The following RANBP9 variants were observed in gnomAD, a reference collection of about 807,000 sequenced individuals.
RANBP9 encodes RAN binding protein 9.
Under a neutral mutation model 84.3 loss-of-function variants are expected in RANBP9, and 15 were observed. The observed-to-expected ratio is 0.18, with a 90% CI of 0.12 to 0.27. The LOEUF is 0.27. RANBP9 is among the 10% of genes least tolerant of loss of function. RANBP9 has a pLI of 1.00. For synonymous variants in RANBP9, 392 were observed against 349.6 expected (o/e 1.12, Z -1.35); for missense variants, 809 against 912.8 (o/e 0.89, Z 1.46).
At chr6:13,653,326 G>A (rs1562306115) in intron 4 of RANBP9, among the ~76,000 whole-genome samples, 1 of 152,078 alleles carries the variant, frequency 6.6e-6, no homozygotes, top group Non-Finnish European at 1.5e-5. Context: ...GATACAACTT[G>A]AGCAATGGCA....
rs376889867 is a variant in RANBP9 at position 13,639,672 on chromosome 6, G to A, written c.1416C>T (p.Asp472=). Residue 472 remains aspartate (D), a synonymous_variant, in exon 9 of 14, where the codon GAC becomes GAT. Transcript: ENST00000011619. The part of the protein sequence containing the change: ...CLGGRSPKSQ[D]SYPVSPRPFS... ...AAGGTCGAGGACTAACAGGATAACTGTCTTGAGACTTTGGACTTCGGCCTC... is the reference window on the plus strand; with the variant it reads ...AAGGTCGAGGACTAACAGGATAACTATCTTGAGACTTTGGACTTCGGCCTC... 5 of 1,613,246 alleles carry A rather than the reference G, an allele frequency of 3.1e-6. No individual in the cohort carries two copies. The African/African-American group carries it at 6.7e-5, about 22-fold the overall frequency.
At chr6:13,622,798 T>C (rs762843392) in intron 13 of RANBP9, among the ~76,000 whole-genome samples, 2 of 152,190 alleles carry the variant, frequency 1.3e-5, no homozygotes, top group Non-Finnish European at 2.9e-5. Context: ...TTATCTGATA[T>C]TTGGAGTGGA....
At chr6:13,701,841 T>C (rs953513675) in intron 1 of RANBP9, among the ~76,000 whole-genome samples, 1 of 151,984 alleles carries the variant, frequency 6.6e-6, no homozygotes, top group Admixed American at 6.5e-5. Flanking sequence ...CTCCACTCTT[T>C]TATTACAAAG....
chr6:13,688,613 G>A (rs1487494424), intron 2 of RANBP9, among the ~76,000 whole-genome samples: 1 of 151,854 alleles, frequency 6.6e-6, no homozygotes, highest in Non-Finnish European at 1.5e-5. Flanking sequence ...TAGGTTCTTA[G>A]CACAGTATCT....
chr6:13,701,631 A>G (rs921969883), intron 1 of RANBP9, among the ~76,000 whole-genome samples: 1 of 151,984 alleles, frequency 6.6e-6, no homozygotes, highest in East Asian at 1.9e-4. Context: ...GTGGCCAGGC[A>G]TGGTGGTGCG....
chr6:13,695,639 G>A (rs757110758), intron 2 of RANBP9, among the ~76,000 whole-genome samples: 1 of 152,070 alleles, frequency 6.6e-6, no homozygotes, highest in Non-Finnish European at 1.5e-5. Flanking sequence ...AGCTTGTAAA[G>A]TGAGAAATGG....
intron 2 of RANBP9, among the ~76,000 whole-genome samples, chr6:13,693,819 G>C (rs944583648): frequency 1.3e-5 from 2 of 152,034 alleles, no homozygotes; most frequent in African/African-American, 4.8e-5. Flanking sequence ...GAGGCAGGCG[G>C]ATCATTTGAG....
At chr6:13,652,631 G>A (rs1367947680) in intron 5 of RANBP9, 28 bp downstream of exon 5, 17 of 1,545,992 alleles carry the variant, frequency 1.1e-5, no homozygotes, top group Non-Finnish European at 1.5e-5. Context: ...AATTAAAAAT[G>A]GAAAACTGCT....
intron 2 of RANBP9, among the ~76,000 whole-genome samples, chr6:13,679,945 T>C (rs1765989734): frequency 6.6e-6 from 1 of 152,178 alleles, no homozygotes; most frequent in South Asian, 2.1e-4. Context: ...GTGTTCTTAT[T>C]TACTTAAGAA....
intron 5 of RANBP9, among the ~76,000 whole-genome samples, chr6:13,650,534 C>A (rs1049208235): frequency 2.0e-5 from 3 of 152,116 alleles, no homozygotes; most frequent in Non-Finnish European, 2.9e-5. Context: ...AATGCCTGCA[C>A]AGGAGCGATT....
At chr6:13,676,946 C>T (rs1448590834) in intron 2 of RANBP9, among the ~76,000 whole-genome samples, 1 of 151,966 alleles carries the variant, frequency 6.6e-6, no homozygotes, top group Non-Finnish European at 1.5e-5. Flanking sequence ...TCTTTAAGAC[C>T]AGGAAAAAGG....
chr6:13,682,165 G>A (rs1358434326), intron 2 of RANBP9, among the ~76,000 whole-genome samples: 3 of 152,054 alleles, frequency 2.0e-5, no homozygotes, highest in Non-Finnish European at 4.4e-5. Context: ...CCTGGGCCAA[G>A]TGCCTTCTTC....
chr6:13,627,309 T>A lies in RANBP9; in HGVS notation c.1948-1545A>T, dbSNP rs185502059. ...GGAAAGAATATATGACCCTTTATCC[T>A]GTAAAGCTAACTCAAATCAAACACA... On this transcript the variant is annotated intron_variant, in intron 12 of 13. Transcript: ENST00000011619. 2.2e-4 allele frequency among the ~76,000 whole-genome samples: 33 copies of A among 152,188 alleles called. No homozygotes were observed. The East Asian group carries it at 6.0e-3, about 28-fold the overall frequency.
intron 2 of RANBP9, among the ~76,000 whole-genome samples, chr6:13,690,986 G>A (rs1392641937): frequency 6.6e-6 from 1 of 152,036 alleles, no homozygotes; most frequent in Non-Finnish European, 1.5e-5. Flanking sequence ...GGCCAACATG[G>A]TGAAACCCCA....
chr6:13,631,542 T>C lies in RANBP9; in HGVS notation c.1947+828A>G, dbSNP rs562096813. 2.6e-5 allele frequency among the ~76,000 whole-genome samples: 4 copies of C among 152,346 alleles called. No individual in the cohort carries two copies. In the East Asian group the frequency reaches 5.8e-4, roughly 22 times the overall value. On this transcript the variant is annotated intron_variant, in intron 12 of 13. Coordinates refer to ENST00000011619, the MANE Select transcript of RANBP9 (RefSeq NM_005493.3). ...CGGACTAGGGATACTCAACCTGTAC[T>C]AACTTTCAGTCCAGGTCAGGAAGAA... is the stretch of plus-strand genomic sequence containing the variant.
intron 6 of RANBP9, among the ~76,000 whole-genome samples, chr6:13,644,193 T>C (rs1201986200): frequency 6.6e-6 from 1 of 152,204 alleles, no homozygotes; most frequent in Non-Finnish European, 1.5e-5. Flanking sequence ...AACTTTATCT[T>C]TTCCATTAAC....
chr6:13,648,141 G>GTTTTTTTTTTTTTT lies in RANBP9; in HGVS notation c.928-3426_928-3413dup, dbSNP rs375219477. 1.7e-4 allele frequency among the ~76,000 whole-genome samples: 14 copies of GTTTTTTTTTTTTTT among 80,672 alleles called. 2 individuals are homozygous for GTTTTTTTTTTTTTT. Among genetic ancestry groups the GTTTTTTTTTTTTTT allele is most frequent in the Non-Finnish European group, 2.1e-4 (9 of 42,130 alleles). The allele number at this position is 80,672 out of a possible 152,430, so 52.9% of individuals were successfully genotyped here. On this transcript the variant is annotated intron_variant, in intron 5 of 13. Transcript: ENST00000011619. ...CAAAATATGTGATCTTATATGACTGGTTTTTTTTTTTTTTTTTTTTTTTTT... is the reference window on the plus strand; with the variant it reads ...CAAAATATGTGATCTTATATGACTGGTTTTTTTTTTTTTTTTTTTTTTTTTTTTTTTTTTTTTTT...
chr6:13,672,877 G>GA (rs974731757), intron 2 of RANBP9, among the ~76,000 whole-genome samples: 10 of 151,356 alleles, frequency 6.6e-5, no homozygotes, highest in African/African-American at 1.7e-4. Flanking sequence ...CAGTGAGCTT[G>GA]AAAAAAAACT....
At chr6:13,710,228 T>C (rs909982623) in intron 1 of RANBP9, among the ~76,000 whole-genome samples, 1 of 152,100 alleles carries the variant, frequency 6.6e-6, no homozygotes, top group African/African-American at 2.4e-5. Context: ...TGCATTTTGT[T>C]CCATCTTCGT....
Sources: gnomAD v4.1 joint callset for allele counts (sites outside exome capture counted in the v4.1 genomes callset) on GRCh38, gnomAD v4.1.1 for gene constraint, MANE v1.5 for transcripts, NCBI Gene and HGNC (gene_info 2026-07-23, HGNC 2026-07-21) for gene names.